Variants in NAV2 observed in about 807,000 individuals in gnomAD.
The protein encoded by NAV2 is helicase, APC down-regulated 1.
In NAV2, 54 loss-of-function variants were observed where a neutral mutation model predicts 223.2. That is an observed-to-expected ratio of 0.24 (90% CI 0.19 to 0.30). The LOEUF is 0.30. Among genes scored for constraint, NAV2 ranks in the 10% least tolerant of loss-of-function variants. NAV2 has a pLI of 1.00. For synonymous variants in NAV2, 1,279 were observed against 1,239.3 expected (o/e 1.03, Z -0.67); for missense variants, 2,806 against 3,147.5 (o/e 0.89, Z 2.60).
chr11:19,394,255 G>A (rs1165424892), intron 1 of NAV2, among the ~76,000 whole-genome samples: 1 of 152,118 alleles, frequency 6.6e-6, no homozygotes. Flanking sequence ...TGGGAAAGAG[G>A]GTATTTCCCA....
intron 1 of NAV2, among the ~76,000 whole-genome samples, chr11:19,699,513 A>C (rs1208677639): frequency 1.3e-5 from 2 of 152,198 alleles, no homozygotes; most frequent in African/African-American, 4.8e-5. Context: ...ACTGAAAGCA[A>C]AGCCTGTTTT....
chr11:20,054,429 T>G (rs1001011932), intron 18 of NAV2, among the ~76,000 whole-genome samples, 189 bp downstream of exon 18: 13 of 152,300 alleles, frequency 8.5e-5, no homozygotes, highest in Admixed American at 4.6e-4. Context: ...CATTTTGAAA[T>G]AGACATATAG....
intron 1 of NAV2, among the ~76,000 whole-genome samples, chr11:19,451,442 C>T (rs1477174483): frequency 6.6e-6 from 1 of 152,216 alleles, no homozygotes; most frequent in African/African-American, 2.4e-5. Flanking sequence ...CCTTCCTTCC[C>T]TGCATCCTTT....
At chr11:20,051,446 C>A in intron 17 of NAV2, 113 bp downstream of exon 17, 1 of 922,540 alleles carries the variant, frequency 1.1e-6, no homozygotes, top group South Asian at 1.3e-5. Flanking sequence ...CCCGCTTTGA[C>A]CACCACAGCA....
At chr11:20,043,366 C>G (rs978101948) in intron 12 of NAV2, among the ~76,000 whole-genome samples, 2 of 152,232 alleles carry the variant, frequency 1.3e-5, no homozygotes, top group African/African-American at 4.8e-5. Context: ...TCCATCTGCT[C>G]TGCCCCTTCC....
chr11:19,356,815 TG>T (rs1853648940), intron 1 of NAV2, among the ~76,000 whole-genome samples: 1 of 152,198 alleles, frequency 6.6e-6, no homozygotes, highest in African/African-American at 2.4e-5. Context: ...CAGAAATGAA[TG>T]CTGATATTTT....
At chr11:19,970,020 T>G (rs2049094552) in intron 10 of NAV2, among the ~76,000 whole-genome samples, 1 of 152,158 alleles carries the variant, frequency 6.6e-6, no homozygotes, top group East Asian at 1.9e-4. Flanking sequence ...TGTTACAATA[T>G]GCTCTAATAA....
At chr11:19,650,386 C>A (rs576001388) in intron 1 of NAV2, among the ~76,000 whole-genome samples, 4 of 152,264 alleles carry the variant, frequency 2.6e-5, no homozygotes, top group African/African-American at 9.6e-5. Flanking sequence ...AAGGAAGAAA[C>A]CTCCCTAAGA....
chr11:20,044,981 C>G lies in NAV2; in HGVS notation c.3213C>G (p.Asp1071Glu). 2 of 1,611,124 alleles carry G rather than the reference C, an allele frequency of 1.2e-6. No homozygotes were observed. Among genetic ancestry groups the G allele is most frequent in the South Asian group, 2.2e-5 (2 of 90,662 alleles). ...LKTPGTGKTDDAKVSEKGRLS... is the reference protein window; with the variant it reads ...LKTPGTGKTDEAKVSEKGRLS... Reference sequence around the variant, plus strand: ...TCTCTCTCTTAGGAAAAACAGACGACGCAAAGGTGTCTGAGAAAGGAAGGC... The same window carrying G: ...TCTCTCTCTTAGGAAAAACAGACGAGGCAAAGGTGTCTGAGAAAGGAAGGC... Residue 1071 changes from aspartate to glutamate, a missense_variant, in exon 14 of 38, where the codon GAC becomes GAG. Physicochemically the swap from Asp to Glu is conservative, Grantham distance 45. Around this residue, in one of 4 missense-constraint regions of NAV2, gnomAD observed 742 missense variants for 777.9 expected, o/e 0.95. Transcript: ENST00000349880.
At chr11:19,805,167 A>G (rs966191422) in intron 1 of NAV2, among the ~76,000 whole-genome samples, 3 of 152,186 alleles carry the variant, frequency 2.0e-5, no homozygotes, top group East Asian at 3.9e-4. Context: ...AGGTCTTCCA[A>G]TTTTTAAAGA....
intron 11 of NAV2, among the ~76,000 whole-genome samples, chr11:19,994,865 C>T (rs538895412): frequency 6.6e-6 from 1 of 152,198 alleles, no homozygotes. Flanking sequence ...TGTTCAGAAT[C>T]ATCAATTGTA....
At position 19,948,783 on chromosome 11, in the gene NAV2, G is replaced by C; in HGVS notation, c.2348G>C (p.Trp783Ser). The C allele has an allele frequency of 6.2e-7, 1 of 1,613,992 alleles. No homozygotes were observed. The highest frequency in any genetic ancestry group is 8.5e-7 in the Non-Finnish European group (1 of 1,180,010). Residue 783 changes from tryptophan to serine, a missense_variant, in exon 10 of 38, where the codon TGG becomes TCG. Transcript: ENST00000349880. ...ACAGGGAGGCCCACACCTCTGTCCT[G>C]GAGACTGGGCCAGTCCAGCCCTCGG... ...SLTGRPTPLS[W>S]RLGQSSPRLQ...
At chr11:19,349,104 A>G (rs1032613449), upstream of NAV2, among the ~76,000 whole-genome samples, 2 of 152,200 alleles carry the variant, frequency 1.3e-5, no homozygotes, top group Non-Finnish European at 2.9e-5. Flanking sequence ...CATTCTGTCT[A>G]TAATGTCACC....
intron 1 of NAV2, among the ~76,000 whole-genome samples, chr11:19,810,226 TG>T (rs2058774033): frequency 6.6e-6 from 1 of 152,244 alleles, no homozygotes; most frequent in Non-Finnish European, 1.5e-5. Context: ...CTTTGGCCAT[TG>T]GGAGCTCTTT....
chr11:19,850,086 G>A (rs893096938), intron 3 of NAV2, among the ~76,000 whole-genome samples: 6 of 152,168 alleles, frequency 3.9e-5, no homozygotes, highest in African/African-American at 7.2e-5. Flanking sequence ...CAAAGAGGCC[G>A]TGTATTTTCA....
At chr11:19,363,793 G>T (rs1854101155) in intron 1 of NAV2, among the ~76,000 whole-genome samples, 2 of 152,172 alleles carry the variant, frequency 1.3e-5, no homozygotes, top group African/African-American at 2.4e-5. Context: ...TTGATGATTT[G>T]CTAGAATAGC....
rs2060446121 is a variant in NAV2, at chr11:19,840,399, T to C, written c.386-2472T>C. Reference sequence around the variant, plus strand: ...TTGGTTTCATTATTCAGGTGGCATATAAAGAATCTTTAAAGTGTCCCAAAT... The same window carrying C: ...TTGGTTTCATTATTCAGGTGGCATACAAAGAATCTTTAAAGTGTCCCAAAT... On this transcript the variant is annotated intron_variant, in intron 2 of 37. Transcript: ENST00000349880. Among the ~76,000 whole-genome samples, 3 of 152,338 alleles carry C rather than the reference T, an allele frequency of 2.0e-5. No individual in the cohort carries two copies. The South Asian group carries it at 6.2e-4, about 32-fold the overall frequency.
In NAV2 at chr11:19,655,569, G is replaced by T. The variant is rs12808854; in HGVS notation, c.76-176915G>T. 2.1e-3 allele frequency among the ~76,000 whole-genome samples: 326 copies of T among 152,088 alleles called. 2 individuals are homozygous for T. Among genetic ancestry groups the T allele is most frequent in the Non-Finnish European group, 3.7e-3 (251 of 67,988 alleles). ...ATGGAATACTATGCAGCCAAAAAAA[G>T]GATGAGTTCATGTCCTTTGTAGGGA... On this transcript the variant is annotated intron_variant, in intron 1 of 37. Coordinates refer to the NAV2 transcript ENST00000360655.
intron 1 of NAV2, among the ~76,000 whole-genome samples, chr11:19,483,554 A>G (rs1005303933): frequency 3.3e-5 from 5 of 152,246 alleles, no homozygotes; most frequent in Non-Finnish European, 7.3e-5. Context: ...ACTTAATAAG[A>G]AAAGAAAAAA....
Sources: allele counts gnomAD v4.1 joint callset (sites outside exome capture counted in the v4.1 genomes callset), GRCh38; gene constraint gnomAD v4.1.1; regional missense constraint gnomAD v4.1.1; transcripts MANE v1.5; gene names NCBI Gene and HGNC (gene_info 2026-07-23, HGNC 2026-07-21).